DTWD2: variants seen among roughly 807,000 people sequenced by gnomAD.
DTWD2 encodes tRNA-uridine aminocarboxypropyltransferase 2.
DTWD2 carries 39 observed loss-of-function variants against 31.8 expected under a neutral mutation model. The observed-to-expected ratio is 1.22, with a 90% confidence interval of 0.95 to 1.60. The LOEUF (loss-of-function observed/expected upper bound fraction) is 1.60. Among genes scored for constraint, DTWD2 ranks in the 40% most tolerant of loss-of-function variants. DTWD2 has a pLI of 0.00. For missense variants in DTWD2, 515 were observed against 381.5 expected (o/e 1.35, Z -2.92); for synonymous variants, 180 against 142.8 (o/e 1.26, Z -1.86).
chr5:118,945,342 TCCAG>T (rs72148068), intron 1 of DTWD2, among the ~76,000 whole-genome samples: 3,726 of 152,304 alleles, frequency 0.024, 160 homozygotes, highest in African/African-American at 0.084. Flanking sequence ...ATCTCTGTCC[TCCAG>T]CCTACAGTAT....
At chr5:118,893,797 C>G (rs142261224) in intron 4 of DTWD2, among the ~76,000 whole-genome samples, 214 of 152,194 alleles carry the variant, frequency 1.4e-3, no homozygotes, top group Non-Finnish European at 2.6e-3. Flanking sequence ...GCACAGATAG[C>G]CTCTAGAATC....
At chr5:118,968,197 GA>G (rs759930368) in intron 1 of DTWD2, among the ~76,000 whole-genome samples, 198 of 125,908 alleles carry the variant, frequency 1.6e-3, no homozygotes, top group Middle Eastern at 3.8e-3. Flanking sequence ...ACAAAATCGT[GA>G]AAAAAAAAAA....
Position 118,988,223 on chromosome 5 carries a change from G to C in DTWD2, c.218+71C>G, listed in dbSNP as rs1005713781. The C allele has an allele frequency of 6.6e-5, 101 of 1,520,034 alleles. 2 individuals carry two copies. In the Middle Eastern group the frequency reaches 1.3e-3, roughly 20 times the overall value. 94.2% of individuals were successfully genotyped at this position (1,520,034 alleles called of 1,614,324 possible). A position where few individuals can be genotyped will look rare whatever the true frequency, so the allele number is the denominator to read the frequency against. On this transcript the variant is annotated intron_variant, in intron 1 of 5. Transcript: ENST00000510708. ...GAGCTGCCCGAGCCGCCGACTCCCC[G>C]GCAGGGGGCGCCGCACCCTCCTCCG...
chr5:118,915,374 ATT>A (rs199654152), intron 4 of DTWD2, among the ~76,000 whole-genome samples: 43 of 138,180 alleles, frequency 3.1e-4, no homozygotes, highest in African/African-American at 8.5e-4. Context: ...TAATCTTTGA[ATT>A]TTTTTTTTTT....
chr5:118,847,877 T>A (rs1383392101), intron 5 of DTWD2, among the ~76,000 whole-genome samples: 2 of 152,008 alleles, frequency 1.3e-5, no homozygotes, highest in East Asian at 3.8e-4. Flanking sequence ...TTGCACAGTT[T>A]AGTATGAATA....
rs1284756652 is a variant in DTWD2, at chr5:118,903,907, C to G, written c.597+24630G>C. Among the ~76,000 whole-genome samples, 4 of 151,902 alleles carry G rather than the reference C, an allele frequency of 2.6e-5. No homozygotes were observed. In the East Asian group the frequency reaches 7.7e-4, roughly 29 times the overall value. On this transcript the variant is annotated intron_variant, in intron 4 of 5. Transcript: ENST00000510708. ...ATCTCTAAAAATACAGCATTCATAT[C>G]AGAGAATTTTACATATATATTAGTA...
intron 4 of DTWD2, among the ~76,000 whole-genome samples, chr5:118,888,306 A>G (rs1752910094): frequency 6.6e-6 from 1 of 152,120 alleles, no homozygotes; most frequent in African/African-American, 2.4e-5. Flanking sequence ...CTTCCTGACT[A>G]TACATTAGTT....
chr5:118,923,505 T>A (rs1753748008), intron 4 of DTWD2, among the ~76,000 whole-genome samples: 2 of 152,084 alleles, frequency 1.3e-5, no homozygotes, highest in Admixed American at 1.3e-4. Flanking sequence ...CTGCATGAGC[T>A]CCAAGGGTAA....
At chr5:118,903,309 T>C (rs189320038) in intron 4 of DTWD2, among the ~76,000 whole-genome samples, 3 of 151,958 alleles carry the variant, frequency 2.0e-5, no homozygotes, top group Admixed American at 6.6e-5. Context: ...ACAAAAAATA[T>C]AGCTATTTCT....
At chr5:118,953,110 C>G (rs1754502679) in intron 1 of DTWD2, among the ~76,000 whole-genome samples, 1 of 152,276 alleles carries the variant, frequency 6.6e-6, no homozygotes, top group Admixed American at 6.5e-5. Flanking sequence ...GACAGCTGAG[C>G]CCCAGCCCTC....
chr5:118,964,969 G>A (rs555242611), intron 1 of DTWD2, among the ~76,000 whole-genome samples: 11 of 150,800 alleles, frequency 7.3e-5, no homozygotes, highest in South Asian at 4.2e-4. Context: ...GCCTCTTCCC[G>A]GCCGCCATCC....
At chr5:118,886,066 C>G (rs1437499428) in intron 4 of DTWD2, among the ~76,000 whole-genome samples, 1 of 152,206 alleles carries the variant, frequency 6.6e-6, no homozygotes, top group Non-Finnish European at 1.5e-5. Context: ...CAGACCCATA[C>G]AGAAACCACT....
chr5:118,955,690 G>A (rs1331097489), intron 1 of DTWD2, among the ~76,000 whole-genome samples: 3 of 151,870 alleles, frequency 2.0e-5, no homozygotes, highest in Non-Finnish European at 4.4e-5. Context: ...AGCTACTCAG[G>A]AGGCTAAGGC....
Position 118,979,448 on chromosome 5 carries a change from C to T in DTWD2, c.218+8846G>A, listed in dbSNP as rs182531174. Reference sequence around the variant, plus strand: ...TCAACCATTGTGGAAGATAATGGGGCAATTCCTCAAAGATCTAGAAGCAGA... The same window carrying T: ...TCAACCATTGTGGAAGATAATGGGGTAATTCCTCAAAGATCTAGAAGCAGA... On this transcript the variant is annotated intron_variant, in intron 1 of 5. Transcript: ENST00000510708. Among the ~76,000 whole-genome samples, 125 of 152,256 alleles carry T rather than the reference C, an allele frequency of 8.2e-4. 2 individuals carry two copies. The highest frequency in any genetic ancestry group is 2.8e-3 in the African/African-American group (117 of 41,550).
chr5:118,890,618 T>A (rs896899548), intron 4 of DTWD2, among the ~76,000 whole-genome samples: 3 of 134,168 alleles, frequency 2.2e-5, no homozygotes, highest in Non-Finnish European at 4.6e-5. Flanking sequence ...GTCACCAGGC[T>A]GGAGTGCAGT....
chr5:118,963,371 A>C (rs1400896502), intron 1 of DTWD2, among the ~76,000 whole-genome samples: 1 of 152,184 alleles, frequency 6.6e-6, no homozygotes, highest in South Asian at 2.1e-4. Context: ...AACAGAACAA[A>C]GGCATGGAGC....
chr5:118,851,959 A>G (rs914655857), intron 4 of DTWD2, among the ~76,000 whole-genome samples: 3 of 152,160 alleles, frequency 2.0e-5, no homozygotes, highest in Non-Finnish European at 4.4e-5. Flanking sequence ...GCAGGAGACC[A>G]GGGCATATCT....
At chr5:118,935,468 A>C (rs1352525597) in intron 3 of DTWD2, among the ~76,000 whole-genome samples, 2 of 152,060 alleles carry the variant, frequency 1.3e-5, no homozygotes, top group Non-Finnish European at 2.9e-5. Context: ...GTCAGAATTG[A>C]ACTGGAAGAC....
At chr5:118,911,709 T>C (rs1444771549) in intron 4 of DTWD2, among the ~76,000 whole-genome samples, 2 of 152,142 alleles carry the variant, frequency 1.3e-5, no homozygotes, top group Non-Finnish European at 2.9e-5. Context: ...TATTCAGCCT[T>C]AAAAAAGGAT....
Sources: gnomAD v4.1 joint callset for allele counts (sites outside exome capture counted in the v4.1 genomes callset) on GRCh38, gnomAD v4.1.1 for gene constraint, MANE v1.5 for transcripts, NCBI Gene and HGNC (gene_info 2026-07-23, HGNC 2026-07-21) for gene names.